Variants in CELSR1 observed in about 807,000 individuals in gnomAD.
CELSR1 encodes adhesion G protein-coupled receptor C1.
In CELSR1, 110 loss-of-function variants were observed where a neutral mutation model predicts 249.1. The observed-to-expected ratio is 0.44, with a 90% CI of 0.38 to 0.52. The LOEUF (loss-of-function observed/expected upper bound fraction) is 0.52, where lower values mean the gene tolerates loss of function less well. Ranked by LOEUF, CELSR1 falls within the 20% of genes least tolerant of loss-of-function variation. CELSR1 has a pLI of 0.00. For synonymous variants in CELSR1, 2,113 were observed against 1,900.0 expected (o/e 1.11, Z -2.92); for missense variants, 4,109 against 4,296.4 (o/e 0.96, Z 1.22).
rs1027573567 is a variant in CELSR1, at chr22:46,472,980, C to T, written c.3545-8635G>A. Among the ~76,000 whole-genome samples, 8 of 152,196 alleles carry T rather than the reference C, an allele frequency of 5.3e-5. No homozygotes were observed. The highest frequency in any genetic ancestry group is 1.7e-4 in the African/African-American group (7 of 41,446). The stretch of plus-strand genomic sequence containing the variant: ...CAAAGAGCCTATTTCCAAATAACAT[C>T]CCACTCTGAGGTTCCAGGTGGATGT... On this transcript the variant is annotated intron_variant, in intron 1 of 34. Transcript: ENST00000674500. The surrounding 1 kb of genome is among the most constrained non-coding windows in gnomAD (Gnocchi z 7.0).
chr22:46,478,255 C>T (rs530491287), intron 1 of CELSR1, among the ~76,000 whole-genome samples: 14 of 152,338 alleles, frequency 9.2e-5, no homozygotes, highest in African/African-American at 2.9e-4. Context: ...CAGAGATTGA[C>T]ACGGGCTGGG....
chr22:46,462,210 G>A (rs775423410), intron 2 of CELSR1, among the ~76,000 whole-genome samples: 8 of 152,194 alleles, frequency 5.3e-5, no homozygotes, highest in Non-Finnish European at 8.8e-5. Context: ...AGACCCAGAC[G>A]GCACCAACAG....
chr22:46,394,835 T>TC (rs1208677533), intron 13 of CELSR1, among the ~76,000 whole-genome samples: 2 of 152,014 alleles, frequency 1.3e-5, no homozygotes, highest in South Asian at 2.1e-4. Flanking sequence ...TCCCTGAGCC[T>TC]CCCCCGGCAG....
At position 46,517,184 on chromosome 22, in the gene CELSR1, C is replaced by T. The variant is rs188511659; in HGVS notation, c.3544+16443G>A. Among the ~76,000 whole-genome samples, 55 of 152,364 alleles carry T rather than the reference C, an allele frequency of 3.6e-4. No homozygotes were observed. Among genetic ancestry groups the T allele is most frequent in the Admixed American group, 3.1e-3 (48 of 15,308 alleles). The stretch of plus-strand genomic sequence containing the variant: ...GTTTTCCCAGCTGCAGAGCATGGAG[C>T]TGCCAGGTGCAAGTTTGGCCCCTGA... On this transcript the variant is annotated intron_variant, in intron 1 of 34. Transcript: ENST00000674500. This position sits in a 1 kb window ranked among gnomAD's most constrained non-coding sequence, Gnocchi z 5.4.
Position 46,491,077 on chromosome 22 carries a change from AC to A in CELSR1, c.3545-26733del, listed in dbSNP as rs2080362695. Among the ~76,000 whole-genome samples, 3 of 151,494 alleles carry A rather than the reference AC, an allele frequency of 2.0e-5. No individual in the cohort carries two copies. In the South Asian group the frequency reaches 6.3e-4, roughly 32 times the overall value. The stretch of plus-strand genomic sequence containing the variant: ...CCAGGTCTCCTGAGGCAGCTTCTCC[AC>A]CCCGGGCCCTTGGACATGGCCAGGA... On this transcript the variant is annotated intron_variant, in intron 1 of 34. Transcript: ENST00000674500.
intron 2 of CELSR1, among the ~76,000 whole-genome samples, chr22:46,460,127 G>GAT (rs2080004202): frequency 6.6e-6 from 1 of 152,000 alleles, no homozygotes; most frequent in Non-Finnish European, 1.5e-5. Flanking sequence ...GGTGAGCTGA[G>GAT]ATCACACCAC....
intron 33 of CELSR1, 54 bp from the exon 34 acceptor site, chr22:46,364,305 C>A (rs991355388): frequency 2.5e-6 from 4 of 1,586,626 alleles, no homozygotes; most frequent in South Asian, 2.2e-5. Context: ...CCGGGGGCAG[C>A]TGCTGGGCCG....
intron 2 of CELSR1, among the ~76,000 whole-genome samples, chr22:46,450,545 G>A (rs986575485): frequency 1.3e-5 from 2 of 152,232 alleles, no homozygotes; most frequent in African/African-American, 4.8e-5. Context: ...GTTCAGAGAG[G>A]GCAGTTACTT....
intron 26 of CELSR1, among the ~76,000 whole-genome samples, 194 bp from the exon 27 acceptor site, chr22:46,369,452 C>T (rs2078826287): frequency 1.3e-5 from 2 of 152,216 alleles, no homozygotes; most frequent in African/African-American, 2.4e-5. Flanking sequence ...CCTGCCTGTG[C>T]GGGACCCTCC....
At chr22:46,415,988 G>A (rs1281714945) in intron 5 of CELSR1, among the ~76,000 whole-genome samples, 1 of 152,218 alleles carries the variant, frequency 6.6e-6, no homozygotes, top group Non-Finnish European at 1.5e-5. Context: ...AAAAGACTAC[G>A]TGGTGGTAAC....
rs1040437921 is a variant in CELSR1, at chr22:46,517,623, A to T, written c.3544+16004T>A. 9.9e-5 allele frequency among the ~76,000 whole-genome samples: 15 copies of T among 152,272 alleles called. No individual in the cohort carries two copies. Among genetic ancestry groups the T allele is most frequent in the African/African-American group, 3.6e-4 (15 of 41,576 alleles). On this transcript the variant is annotated intron_variant, in intron 1 of 34. Transcript: ENST00000674500. The surrounding 1 kb of genome is among the most constrained non-coding windows in gnomAD (Gnocchi z 5.4). ...TCCTGCACACACAGACGCACCCCTG[A>T]CCTCTGACGGCCACATGCAGGACAG...
chr22:46,468,072 AC>A lies in CELSR1; in HGVS notation c.3545-3728del, dbSNP rs1183616105. On this transcript the variant is annotated intron_variant, in intron 1 of 34. Transcript: ENST00000674500. The surrounding 1 kb of genome is among the most constrained non-coding windows in gnomAD (Gnocchi z 4.5). ...TGAAACATGGAAGTGACCTGCGTCC[AC>A]CGACAGATTAACGGATTAAAACAAT... Among the ~76,000 whole-genome samples the A allele has an allele frequency of 2.6e-5, 4 of 152,128 alleles. No individual in the cohort carries two copies. Among genetic ancestry groups the A allele is most frequent in the African/African-American group, 4.8e-5 (2 of 41,424 alleles).
intron 27 of CELSR1, among the ~76,000 whole-genome samples, chr22:46,368,511 C>T (rs1328413105): frequency 1.3e-5 from 2 of 151,992 alleles, no homozygotes; most frequent in African/African-American, 2.4e-5. Flanking sequence ...GAGCCTCACA[C>T]TCCTCCTGAC....
chr22:46,373,388 A>T (rs2078877127), intron 24 of CELSR1, among the ~76,000 whole-genome samples: 1 of 145,854 alleles, frequency 6.9e-6, no homozygotes, highest in South Asian at 2.3e-4. Context: ...ATGTGGCCCC[A>T]AGGCAGCTTC....
At position 46,488,678 on chromosome 22, in the gene CELSR1, G is replaced by A. The variant is rs1245094299; in HGVS notation, c.3545-24333C>T. Reference sequence around the variant, plus strand: ...CACAGCCCTGCCCTTTTTTTTTTTTGAGACGGAGTCTTGCTCTGTCACCCA... The same window carrying A: ...CACAGCCCTGCCCTTTTTTTTTTTTAAGACGGAGTCTTGCTCTGTCACCCA... On this transcript the variant is annotated intron_variant, in intron 1 of 34. Transcript: ENST00000674500. The surrounding 1 kb of genome is among the most constrained non-coding windows in gnomAD (Gnocchi z 4.7). Among the ~76,000 whole-genome samples the A allele has an allele frequency of 7.4e-6, 1 of 134,314 alleles. No individual in the cohort carries two copies. 88.1% of individuals were successfully genotyped at this position (134,314 alleles called of 152,430 possible).
In CELSR1 at chr22:46,363,586, A is replaced by G. The variant is rs1324147636; in HGVS notation, c.9036-339T>C. ...TTGGAGGGAGGGAGGGGCGACAGGG[A>G]GAGGTCTGGGGCCAGGACCCCAGCT... On this transcript the variant is annotated intron_variant, in intron 34 of 34. Coordinates refer to ENST00000674500, the MANE Select transcript of CELSR1 (RefSeq NM_001378328.1). This position sits in a 1 kb window ranked among gnomAD's most constrained non-coding sequence, Gnocchi z 4.3. 1 of 363,884 alleles carries G rather than the reference A, an allele frequency of 2.7e-6. No individual in the cohort carries two copies. The highest frequency in any genetic ancestry group is 5.4e-5 in the East Asian group (1 of 18,664). The allele number at this position is 363,884 out of a possible 1,614,324, so 22.5% of individuals were successfully genotyped here. A position where few individuals can be genotyped will look rare whatever the true frequency, so the allele number is the denominator to read the frequency against.
chr22:46,532,316 C>T (rs1481703553), intron 1 of CELSR1, among the ~76,000 whole-genome samples: 1 of 152,228 alleles, frequency 6.6e-6, no homozygotes, highest in Non-Finnish European at 1.5e-5. Flanking sequence ...CCCTTAAGGG[C>T]CTATTCCATA....
Position 46,471,593 on chromosome 22 carries a change from G to A in CELSR1, c.3545-7248C>T, listed in dbSNP as rs2080155827. 6.6e-6 allele frequency among the ~76,000 whole-genome samples: 1 copy of A among 152,084 alleles called. No homozygotes were observed. The highest frequency in any genetic ancestry group is 6.6e-5 in the Admixed American group (1 of 15,264). ...TTGTTTTTTGTAGAGGTGAGGCCGTGCGATGTTGCCCAGGCTGGTCTCACA... is the reference window on the plus strand; with the variant it reads ...TTGTTTTTTGTAGAGGTGAGGCCGTACGATGTTGCCCAGGCTGGTCTCACA... On this transcript the variant is annotated intron_variant, in intron 1 of 34. Coordinates refer to ENST00000674500, the MANE Select transcript of CELSR1 (RefSeq NM_001378328.1). This position sits in a 1 kb window ranked among gnomAD's most constrained non-coding sequence, Gnocchi z 4.9.
intron 24 of CELSR1, 48 bp from the exon 25 acceptor site, chr22:46,373,105 A>G (rs1391797647): frequency 6.6e-7 from 1 of 1,512,812 alleles, no homozygotes; most frequent in East Asian, 2.4e-5. Flanking sequence ...TCCCAGGCTG[A>G]GGTCAGACAG....
Sources: gnomAD v4.1 joint callset for allele counts (sites outside exome capture counted in the v4.1 genomes callset) on GRCh38, gnomAD v4.1.1 for gene constraint, Gnocchi (gnomAD v3.1) non-coding constraint, MANE v1.5 for transcripts, NCBI Gene and HGNC (gene_info 2026-07-23, HGNC 2026-07-21) for gene names.